Variants in ZNF609 observed in about 807,000 individuals in gnomAD.
The protein encoded by ZNF609 is zinc finger protein 609.
ZNF609 carries 11 observed loss-of-function variants against 109.5 expected under a neutral mutation model. The ratio of observed to expected loss-of-function variants is 0.10; its 90% CI spans 0.06 to 0.17. The LOEUF (loss-of-function observed/expected upper bound fraction) is 0.17. ZNF609 is among the 10% of genes least tolerant of loss of function. The pLI is 1.00. For missense variants in ZNF609, 1,559 were observed against 1,772.4 expected (o/e 0.88, Z 2.16); for synonymous variants, 646 against 662.0 (o/e 0.98, Z 0.37).
chr15:64,517,287 G>A (rs1893827887), intron 2 of ZNF609, among the ~76,000 whole-genome samples: 1 of 152,134 alleles, frequency 6.6e-6, no homozygotes, highest in Non-Finnish European at 1.5e-5. Flanking sequence ...TGAGGCAGGA[G>A]AATCACTTGA....
chr15:64,583,795 T>C (rs960602601), intron 2 of ZNF609, among the ~76,000 whole-genome samples: 1 of 152,134 alleles, frequency 6.6e-6, no homozygotes, highest in Non-Finnish European at 1.5e-5. Context: ...GCTCTGATTG[T>C]ATCTTTTAGG....
At chr15:64,523,791 A>G (rs1046763609) in intron 2 of ZNF609, among the ~76,000 whole-genome samples, 1 of 151,958 alleles carries the variant, frequency 6.6e-6, no homozygotes, top group Admixed American at 6.6e-5. Flanking sequence ...AAAATCTTCT[A>G]TGTTATAAAC....
At position 64,460,848 on chromosome 15, in the gene ZNF609, G is replaced by A. The variant is rs187660700; in HGVS notation, c.-128+10G>A. On this transcript the variant is annotated intron_variant, in intron 1 of 9. Coordinates refer to ENST00000326648, the MANE Select transcript of ZNF609 (RefSeq NM_015042.2). ...CGGGACCGGCCGCGCGGTGAGTCCG[G>A]AGCTTTGTGTGGAGCCGGGACTGGG... The A allele has an allele frequency of 0.059, 8,785 of 148,352 alleles. 274 individuals carry two copies. Among genetic ancestry groups the A allele is most frequent in the South Asian group, 0.079 (368 of 4,640 alleles). The allele number at this position is 148,352 out of a possible 1,614,324, so 9.2% of individuals were successfully genotyped here.
intron 1 of ZNF609, among the ~76,000 whole-genome samples, chr15:64,473,818 C>T (rs1329949508): frequency 1.3e-5 from 2 of 151,916 alleles, no homozygotes; most frequent in Non-Finnish European, 2.9e-5. Flanking sequence ...CGCCCACACC[C>T]CGTCTCAGTG....
intron 2 of ZNF609, among the ~76,000 whole-genome samples, chr15:64,516,348 C>T (rs1412237478): frequency 6.6e-6 from 1 of 151,984 alleles, no homozygotes; most frequent in African/African-American, 2.4e-5. Flanking sequence ...AAGCAGAAAC[C>T]TCATAGAGGT....
chr15:64,573,346 C>CTTTTT (rs71133442), intron 2 of ZNF609, among the ~76,000 whole-genome samples: 1,339 of 72,968 alleles, frequency 0.018, 443 homozygotes, highest in Non-Finnish European at 0.025. Flanking sequence ...GCCCAACTTT[C>CTTTTT]TTTTTTTTTT....
chr15:64,511,088 C>CT (rs953682286), intron 2 of ZNF609, among the ~76,000 whole-genome samples: 22 of 147,386 alleles, frequency 1.5e-4, no homozygotes, highest in Admixed American at 2.7e-4. Context: ...TTATGTGTTG[C>CT]TTTTTTTTTC....
chr15:64,561,723 T>A (rs1168085009), intron 2 of ZNF609, among the ~76,000 whole-genome samples: 1 of 152,016 alleles, frequency 6.6e-6, no homozygotes, highest in South Asian at 2.1e-4. Context: ...CATTCCTGAC[T>A]TTTTTTCAGA....
intron 1 of ZNF609, among the ~76,000 whole-genome samples, chr15:64,493,364 A>G (rs949396409): frequency 2.5e-4 from 38 of 152,332 alleles, no homozygotes; most frequent in Admixed American, 2.0e-3. Flanking sequence ...ATGGTCTGTG[A>G]CATAAGTCCT....
chr15:64,597,651 C>T (rs1287148231), intron 2 of ZNF609, among the ~76,000 whole-genome samples: 2 of 152,172 alleles, frequency 1.3e-5, no homozygotes, highest in Non-Finnish European at 2.9e-5. Context: ...GTTTATTTCT[C>T]AACAAAGATC....
intron 2 of ZNF609, among the ~76,000 whole-genome samples, chr15:64,576,986 G>GTACA (rs1894974496): frequency 9.1e-6 from 1 of 109,780 alleles, no homozygotes; most frequent in East Asian, 2.5e-4. Flanking sequence ...ATATATGTAT[G>GTACA]TATACACATA....
intron 1 of ZNF609, among the ~76,000 whole-genome samples, chr15:64,472,041 G>C (rs1377116479): frequency 1.3e-5 from 2 of 152,030 alleles, no homozygotes; most frequent in Non-Finnish European, 1.5e-5. Context: ...CTCCCGAGTA[G>C]CTGGTATTAT....
At chr15:64,464,841 G>C (rs60226406) in intron 1 of ZNF609, among the ~76,000 whole-genome samples, 7,049 of 152,238 alleles carry the variant, frequency 0.046, 546 homozygotes, top group African/African-American at 0.16. Flanking sequence ...AGGGATTACT[G>C]AGCAGGTGGT....
At chr15:64,500,361 C>A (rs1318076201) in intron 2 of ZNF609, 195 bp downstream of exon 2, 2 of 803,254 alleles carry the variant, frequency 2.5e-6, no homozygotes, top group Non-Finnish European at 4.2e-6. Flanking sequence ...TCATTTACAG[C>A]AGGCCTGGAC....
chr15:64,484,300 A>G (rs1345494752), intron 1 of ZNF609, among the ~76,000 whole-genome samples: 1 of 152,206 alleles, frequency 6.6e-6, no homozygotes, highest in Non-Finnish European at 1.5e-5. Flanking sequence ...GTGGATAAGA[A>G]TTGCATTTAA....
At chr15:64,574,544 A>C (rs1397036884) in intron 2 of ZNF609, among the ~76,000 whole-genome samples, 1 of 152,204 alleles carries the variant, frequency 6.6e-6, no homozygotes, top group East Asian at 1.9e-4. Flanking sequence ...TATGAGAGAT[A>C]TAAAACTGTA....
chr15:64,482,883 C>T (rs1217891148), intron 1 of ZNF609, among the ~76,000 whole-genome samples: 1 of 152,126 alleles, frequency 6.6e-6, no homozygotes, highest in Non-Finnish European at 1.5e-5. Context: ...AACTGATTTT[C>T]TGACGGTAAA....
intron 1 of ZNF609, among the ~76,000 whole-genome samples, chr15:64,477,093 A>ATTGTAAAT (rs1893180945): frequency 7.0e-6 from 1 of 143,424 alleles, no homozygotes; most frequent in East Asian, 2.0e-4. Context: ...TGAATTGCAC[A>ATTGTAAAT]TTGTAAATTT....
intron 3 of ZNF609, among the ~76,000 whole-genome samples, chr15:64,627,404 C>T (rs1009621994): frequency 1.3e-5 from 2 of 152,122 alleles, no homozygotes; most frequent in East Asian, 1.9e-4. Context: ...GCTATAGGTT[C>T]TCCTTTTTGG....
Sources: gnomAD v4.1 joint callset for allele counts (sites outside exome capture counted in the v4.1 genomes callset) on GRCh38, gnomAD v4.1.1 for gene constraint, MANE v1.5 for transcripts, NCBI Gene and HGNC (gene_info 2026-07-23, HGNC 2026-07-21) for gene names.